Variants in MAP3K2 observed in about 807,000 individuals in gnomAD.
MAP3K2 encodes the protein mitogen-activated protein kinase kinase kinase 2.
MAP3K2 carries 24 observed loss-of-function variants against 80.3 expected under a neutral mutation model. That is an observed-to-expected ratio of 0.30 (90% CI 0.22 to 0.42). The LOEUF (loss-of-function observed/expected upper bound fraction) is 0.42, where lower values mean the gene tolerates loss of function less well. Ranked by LOEUF, MAP3K2 falls within the 10% of genes least tolerant of loss-of-function variation. The pLI, the probability that MAP3K2 is intolerant of heterozygous loss-of-function variation, is 1.00. For synonymous variants in MAP3K2, 244 were observed against 253.7 expected, an observed-to-expected ratio of 0.96 and a Z score of 0.36; for missense variants, 608 against 750.1, an observed-to-expected ratio of 0.81 and a Z score of 2.21.
intron 1 of MAP3K2, among the ~76,000 whole-genome samples, chr2:127,381,430 C>G (rs72848623): frequency 0.065 from 9,946 of 152,172 alleles, 430 homozygotes; most frequent in African/African-American, 0.12. Flanking sequence ...TCGTAACAAA[C>G]GATACTTTGA....
chr2:127,311,809 T>C (rs543023740), intron 15 of MAP3K2, among the ~76,000 whole-genome samples: 4 of 152,328 alleles, frequency 2.6e-5, no homozygotes, highest in South Asian at 4.1e-4. Context: ...TAAAAAAAAC[T>C]AGAATCCAAA....
chr2:127,349,407 C>T (rs2104857474), intron 1 of MAP3K2, among the ~76,000 whole-genome samples: 2 of 152,176 alleles, frequency 1.3e-5, no homozygotes, highest in South Asian at 2.1e-4. Flanking sequence ...CTCAAGCAAT[C>T]CTCCTGCCTC....
At chr2:127,360,418 A>AGG (rs1686865033) in intron 1 of MAP3K2, among the ~76,000 whole-genome samples, 1 of 151,924 alleles carries the variant, frequency 6.6e-6, no homozygotes, top group Non-Finnish European at 1.5e-5. Flanking sequence ...CAACGGATAG[A>AGG]GGTAAGACAG....
chr2:127,329,999 A>C lies in MAP3K2; in HGVS notation c.388T>G (p.Leu130Val). 1.9e-6 allele frequency: 3 copies of C among 1,602,160 alleles called. No individual in the cohort carries two copies. Among genetic ancestry groups the C allele is most frequent in the Non-Finnish European group, 2.6e-6 (3 of 1,169,952 alleles). Residue 130 changes from leucine to valine, a missense_variant, in exon 7 of 17, where the codon TTA becomes GTA. By Grantham distance (32) the Leu-to-Val change is conservative. Transcript: ENST00000682094. The part of the protein sequence containing the change: ...VINGSTQATN[L>V]EPLPSLEDLD... ...TCTTCTAGTGATGGCAATGGTTCTA[A>C]ATTAGTAGCCTACAAAGGAGAAAAG... is the stretch of plus-strand genomic sequence containing the variant.
At chr2:127,327,729 G>T (rs6737103) in intron 7 of MAP3K2, among the ~76,000 whole-genome samples, 4,869 of 152,146 alleles carry the variant, frequency 0.032, 119 homozygotes, top group Middle Eastern at 0.061. Flanking sequence ...CAATTAAAAA[G>T]AATAACTGCC....
Position 127,308,642 on chromosome 2 carries a change from T to A in MAP3K2, c.1577A>T (p.Tyr526Phe), listed in dbSNP as rs769246668. Reference sequence around the variant, plus strand: ...ACTGATGACTTCAGGGCTCATCCAGTATGGTGTGCCCGTGACAGACTTCAT... The same window carrying A: ...ACTGATGACTTCAGGGCTCATCCAGAATGGTGTGCCCGTGACAGACTTCAT... ...TGMKSVTGTP[Y>F]WMSPEVISGE... The change falls in exon 16 of 17, where the codon TAC becomes TTC. Residue 526 changes from tyrosine (Y) to phenylalanine (F), a missense_variant. Physicochemically the swap from Tyr to Phe is conservative, Grantham distance 22. Transcript: ENST00000682094. 3 of 1,613,794 alleles carry A rather than the reference T, an allele frequency of 1.9e-6. No individual in the cohort carries two copies. Among genetic ancestry groups the A allele is most frequent in the Admixed American group, 1.7e-5 (1 of 60,024 alleles).
At chr2:127,336,675 G>T (rs908261902) in intron 4 of MAP3K2, among the ~76,000 whole-genome samples, 1 of 152,158 alleles carries the variant, frequency 6.6e-6, no homozygotes, top group South Asian at 2.1e-4. Flanking sequence ...ATCCAAAAAA[G>T]AATCTTAAAT....
intron 1 of MAP3K2, among the ~76,000 whole-genome samples, chr2:127,347,402 G>C (rs1686615526): frequency 6.6e-6 from 1 of 151,880 alleles, no homozygotes; most frequent in Admixed American, 6.6e-5. Flanking sequence ...CAGGATACAA[G>C]GTCAACATTC....
chr2:127,335,083 T>C (rs1335423242), intron 5 of MAP3K2, among the ~76,000 whole-genome samples: 1 of 152,188 alleles, frequency 6.6e-6, no homozygotes, highest in African/African-American at 2.4e-5. Flanking sequence ...TATGCATTTC[T>C]TTCAAAGAAC....
chr2:127,321,988 T>C lies in MAP3K2; in HGVS notation c.1045+58A>G. 2 of 1,411,278 alleles carry C rather than the reference T, an allele frequency of 1.4e-6. No homozygotes were observed. Among genetic ancestry groups the C allele is most frequent in the Non-Finnish European group, 9.8e-7 (1 of 1,018,978 alleles). 87.4% of individuals were successfully genotyped at this position (1,411,278 alleles called of 1,614,324 possible). A position where few individuals can be genotyped will look rare whatever the true frequency, so the allele number is the denominator to read the frequency against. On this transcript the variant is annotated intron_variant, in intron 12 of 16. Transcript: ENST00000682094. This position sits in a 1 kb window ranked among gnomAD's most constrained non-coding sequence, Gnocchi z 4.4. ...ACTTAGTATTTATTCCTTTTAATAA[T>C]ATAAAATTCTGCAAAGATTCTGCTC...
intron 1 of MAP3K2, among the ~76,000 whole-genome samples, chr2:127,357,440 A>G (rs1255733223): frequency 5.9e-5 from 9 of 152,314 alleles, no homozygotes. Context: ...GTGAGCAATG[A>G]TTGCGCCACT....
intron 5 of MAP3K2, 61 bp from the exon 6 acceptor site, chr2:127,330,566 T>A: frequency 1.4e-6 from 1 of 727,290 alleles, no homozygotes; most frequent in Non-Finnish European, 2.4e-6. Flanking sequence ...TCCATGAGCA[T>A]CTCCACTACT....
At chr2:127,380,172 C>G (rs547607996) in intron 1 of MAP3K2, among the ~76,000 whole-genome samples, 22 of 152,270 alleles carry the variant, frequency 1.4e-4, no homozygotes, top group African/African-American at 5.3e-4. Flanking sequence ...GTGCTAGGTA[C>G]TGGAGTACCA....
At chr2:127,358,568 C>T (rs1339701329) in intron 1 of MAP3K2, among the ~76,000 whole-genome samples, 4 of 152,066 alleles carry the variant, frequency 2.6e-5, no homozygotes, top group East Asian at 1.9e-4. Flanking sequence ...ATCCATATGA[C>T]GGAATATTAA....
chr2:127,351,635 C>T (rs1199586208), intron 1 of MAP3K2, among the ~76,000 whole-genome samples: 1 of 152,046 alleles, frequency 6.6e-6, no homozygotes, highest in East Asian at 1.9e-4. Flanking sequence ...AGCCATAATC[C>T]TCTCTTGCAT....
chr2:127,322,303 T>C lies in MAP3K2; in HGVS notation c.839-51A>G. 8.6e-7 allele frequency: 1 copy of C among 1,161,506 alleles called. No individual in the cohort carries two copies. Among genetic ancestry groups the C allele is most frequent in the Non-Finnish European group, 1.2e-6 (1 of 816,582 alleles). The allele number at this position is 1,161,506 out of a possible 1,614,324, so 71.9% of individuals were successfully genotyped here. On this transcript the variant is annotated intron_variant, in intron 11 of 16. Coordinates refer to ENST00000682094, the MANE Select transcript of MAP3K2 (RefSeq NM_001371910.2). This position sits in a 1 kb window ranked among gnomAD's most constrained non-coding sequence, Gnocchi z 4.2. ...TATACCTTTTATTAATATGTTATAC[T>C]TTTAAAGTATTTAAAATTTGTAATG...
intron 1 of MAP3K2, among the ~76,000 whole-genome samples, chr2:127,350,875 C>G (rs1686681223): frequency 6.6e-6 from 1 of 151,584 alleles, no homozygotes. Context: ...ACCTAACTAG[C>G]CTGACTTCAA....
At chr2:127,342,270 G>C (rs1258990086) in intron 2 of MAP3K2, among the ~76,000 whole-genome samples, 1 of 152,090 alleles carries the variant, frequency 6.6e-6, no homozygotes, top group African/African-American at 2.4e-5. Flanking sequence ...GGAAGTGGAA[G>C]AACAATTTTT....
chr2:127,384,411 C>T (rs1052812626), intron 1 of MAP3K2, among the ~76,000 whole-genome samples: 1 of 152,018 alleles, frequency 6.6e-6, no homozygotes, highest in African/African-American at 2.4e-5. Flanking sequence ...AAATTGAAAA[C>T]CTTCTGGAAA....
Sources: gnomAD v4.1 joint callset for allele counts (sites outside exome capture counted in the v4.1 genomes callset) on GRCh38, gnomAD v4.1.1 for gene constraint, Gnocchi (gnomAD v3.1) non-coding constraint, MANE v1.5 for transcripts, NCBI Gene and HGNC (gene_info 2026-07-23, HGNC 2026-07-21) for gene names.